Variants in TAFA3 observed in about 807,000 individuals in gnomAD.
The protein encoded by TAFA3 is TAFA chemokine like family member 3.
A neutral mutation model predicts 20.7 loss-of-function variants in TAFA3; 17 were observed. The ratio of observed to expected loss-of-function variants is 0.82; its 90% CI spans 0.56 to 1.23. The LOEUF (loss-of-function observed/expected upper bound fraction) is 1.23, where lower values mean the gene tolerates loss of function less well. TAFA3 is among the 50% of genes most tolerant of loss of function. TAFA3 has a pLI of 0.00. For synonymous variants in TAFA3, 74 were observed against 71.8 expected, an observed-to-expected ratio of 1.03 and a Z score of -0.16; for missense variants, 174 against 172.8, an observed-to-expected ratio of 1.01 and a Z score of -0.04.
chr1:112,722,197 C>A, intron 2 of TAFA3, 36 bp from the exon 3 acceptor site: 1 of 1,608,300 alleles, frequency 6.2e-7, no homozygotes, highest in South Asian at 1.1e-5. Context: ...GGAGCTTCTG[C>A]CTGGAGCTGA....
intron 1 of TAFA3, among the ~76,000 whole-genome samples, chr1:112,720,080 G>A (rs776320421): frequency 1.3e-5 from 2 of 152,142 alleles, no homozygotes; most frequent in Admixed American, 1.3e-4. Flanking sequence ...TCTGGTGTGG[G>A]AATGGGGGCA....
chr1:112,726,547 T>G (rs1675475671), intron 5 of TAFA3, 82 bp from the exon 6 acceptor site: 1 of 1,460,846 alleles, frequency 6.8e-7, no homozygotes, highest in African/African-American at 1.4e-5. Context: ...CTAAGTGACC[T>G]GCATATTCTG....
At position 112,726,772 on chromosome 1, in the gene TAFA3, G is replaced by C. The variant is rs938612344; in HGVS notation, c.*132G>C. 7 of 1,433,260 alleles carry C rather than the reference G, an allele frequency of 4.9e-6. No homozygotes were observed. In the African/African-American group the frequency reaches 7.0e-5, roughly 14 times the overall value. The allele number at this position is 1,433,260 out of a possible 1,614,324, so 88.8% of individuals were successfully genotyped here. A position where few individuals can be genotyped will look rare whatever the true frequency, so the allele number is the denominator to read the frequency against. Reference sequence around the variant, plus strand: ...TGTCAAATGCAGCATCAGTCTTTCCGGGGCATTTCAGTTAAGCTGCTCAGC... The same window carrying C: ...TGTCAAATGCAGCATCAGTCTTTCCCGGGCATTTCAGTTAAGCTGCTCAGC... On this transcript the variant is annotated 3_prime_UTR_variant, in exon 6 of 6. Transcript: ENST00000361886.
chr1:112,725,612 A>G (rs1675452275), intron 5 of TAFA3, among the ~76,000 whole-genome samples: 1 of 149,378 alleles, frequency 6.7e-6, no homozygotes, highest in Admixed American at 6.8e-5. Flanking sequence ...CCACTGTCAC[A>G]GCACCCAAGA....
In TAFA3 at chr1:112,719,038, G is replaced by A. The variant is rs1229208728; in HGVS notation, c.-321G>A. Among the ~76,000 whole-genome samples the A allele has an allele frequency of 6.6e-6, 1 of 152,248 alleles. No individual in the cohort carries two copies. Among genetic ancestry groups the A allele is most frequent in the Non-Finnish European group, 1.5e-5 (1 of 68,038 alleles). On this transcript the variant is annotated 5_prime_UTR_variant, in exon 1 of 6. Transcript: ENST00000361886. ...GGAACCTTGGAAAAAACCCGGCTGA[G>A]TTCTGCAGAGCTGGCGGGGCCGGGC... is the stretch of plus-strand genomic sequence containing the variant.
intron 2 of TAFA3, among the ~76,000 whole-genome samples, chr1:112,721,955 A>G (rs927390932): frequency 3.3e-5 from 5 of 152,170 alleles, no homozygotes; most frequent in African/African-American, 1.2e-4. Flanking sequence ...AGGAGTCAGT[A>G]TTATTGTCCC....
chr1:112,726,812 C>T lies in TAFA3; in HGVS notation c.*172C>T. 1.1e-6 allele frequency: 1 copy of T among 940,730 alleles called. No individual in the cohort carries two copies. The highest frequency in any genetic ancestry group is 1.6e-5 in the South Asian group (1 of 62,132). The allele number at this position is 940,730 out of a possible 1,614,324, so 58.3% of individuals were successfully genotyped here. ...AGCTGCTCAGCAGATATGGATGGATCTGCAATCACATACCTAATGTGGAGC... is the reference window on the plus strand; with the variant it reads ...AGCTGCTCAGCAGATATGGATGGATTTGCAATCACATACCTAATGTGGAGC... On this transcript the variant is annotated 3_prime_UTR_variant, in exon 6 of 6. Coordinates refer to ENST00000361886, the MANE Select transcript of TAFA3 (RefSeq NM_182759.3).
intron 2 of TAFA3, among the ~76,000 whole-genome samples, chr1:112,720,994 G>A (rs929992288): frequency 7.2e-5 from 11 of 152,232 alleles, no homozygotes; most frequent in Admixed American, 2.0e-4. Context: ...AGGTGGTGCA[G>A]TGGGCAGAGG....
At chr1:112,722,751 C>T (rs568955804) in intron 3 of TAFA3, among the ~76,000 whole-genome samples, 2 of 152,264 alleles carry the variant, frequency 1.3e-5, no homozygotes, top group Admixed American at 6.5e-5. Flanking sequence ...GCTGGGGAGG[C>T]GGGGCTGGTG....
At chr1:112,725,360 T>C (rs139127238) in intron 5 of TAFA3, among the ~76,000 whole-genome samples, 275 of 145,350 alleles carry the variant, frequency 1.9e-3, no homozygotes, top group Non-Finnish European at 3.4e-3. Context: ...AACCTGCACA[T>C]GTAATCCCTG....
chr1:112,718,983 G>T lies in TAFA3; in HGVS notation c.-376G>T, dbSNP rs927913289. On this transcript the variant is annotated 5_prime_UTR_variant, in exon 1 of 6. Transcript: ENST00000361886. ...CCCGGGGCGAGGCGGCGGTTGCGGC[G>T]GCGGCTGCGCGCTCCCCGGCCTGCC... Among the ~76,000 whole-genome samples, 1 of 152,200 alleles carries T rather than the reference G, an allele frequency of 6.6e-6. No individual in the cohort carries two copies. The highest frequency in any genetic ancestry group is 2.4e-5 in the African/African-American group (1 of 41,460).
At chr1:112,719,520 C>T (rs1311354704) in intron 1 of TAFA3, among the ~76,000 whole-genome samples, 1 of 152,114 alleles carries the variant, frequency 6.6e-6, no homozygotes, top group Non-Finnish European at 1.5e-5. Context: ...AAAAACACAT[C>T]CCAGAAGCTT....
intron 2 of TAFA3, 123 bp from the exon 3 acceptor site, chr1:112,722,109 TG>T: frequency 1.0e-6 from 1 of 958,494 alleles, no homozygotes; most frequent in Non-Finnish European, 1.6e-6. Flanking sequence ...GAAAGATGCC[TG>T]GGGACAAGGT....
intron 2 of TAFA3, among the ~76,000 whole-genome samples, chr1:112,721,591 G>A (rs1384881740): frequency 2.0e-5 from 3 of 152,218 alleles, no homozygotes; most frequent in Admixed American, 2.0e-4. Context: ...TGGAATTAGA[G>A]GCATGAACCA....
intron 5 of TAFA3, 59 bp downstream of exon 5, chr1:112,724,196 AGG>A: frequency 7.0e-7 from 1 of 1,438,062 alleles, no homozygotes; most frequent in Non-Finnish European, 9.3e-7. Context: ...AGGGCAGAAA[AGG>A]GGGCACAGGA....
intron 5 of TAFA3, 92 bp downstream of exon 5, chr1:112,724,229 C>A: frequency 2.5e-6 from 3 of 1,180,730 alleles, no homozygotes; most frequent in Non-Finnish European, 3.5e-6. Context: ...TCTAGGATGT[C>A]AGTGTCCCAA....
rs1675305080 is a variant in TAFA3 at position 112,720,564 on chromosome 1, C to G, written c.-59-13C>G. On this transcript the variant is annotated splice_polypyrimidine_tract_variant and intron_variant, in intron 1 of 5. Transcript: ENST00000361886. ...CCTTTGCAACCCCCTATGAATCTTT[C>G]CTACTTGTCCAGGTGGAGTGAGTCT... 1 of 152,406 alleles carries G rather than the reference C, an allele frequency of 6.6e-6. No individual in the cohort carries two copies. The highest frequency in any genetic ancestry group is 2.4e-5 in the African/African-American group (1 of 41,574). The allele number at this position is 152,406 out of a possible 1,614,324, so 9.4% of individuals were successfully genotyped here. A position where few individuals can be genotyped will look rare whatever the true frequency, so the allele number is the denominator to read the frequency against.
At chr1:112,721,226 T>C (rs955275150) in intron 2 of TAFA3, among the ~76,000 whole-genome samples, 10 of 152,246 alleles carry the variant, frequency 6.6e-5, no homozygotes, top group African/African-American at 2.4e-4. Flanking sequence ...CCAGTTTCCC[T>C]TTTGGATGGC....
chr1:112,719,947 A>G (rs919382600), intron 1 of TAFA3, among the ~76,000 whole-genome samples: 5 of 152,068 alleles, frequency 3.3e-5, no homozygotes, highest in African/African-American at 1.2e-4. Context: ...ACCATCCTAT[A>G]TGTTTCAGTT....
Sources: gnomAD v4.1 joint callset for allele counts (sites outside exome capture counted in the v4.1 genomes callset) on GRCh38, gnomAD v4.1.1 for gene constraint, MANE v1.5 for transcripts, NCBI Gene and HGNC (gene_info 2026-07-23, HGNC 2026-07-21) for gene names.